Variants in OPCML observed in about 807,000 individuals in gnomAD.
The protein encoded by OPCML is opioid binding protein/cell adhesion molecule like, also known as opioid-binding protein/cell adhesion molecule.
Under a neutral mutation model 37.8 loss-of-function variants are expected in OPCML, and 13 were observed. That is an observed-to-expected ratio of 0.34 (90% CI 0.22 to 0.55). The LOEUF (loss-of-function observed/expected upper bound fraction) is 0.55, where lower values mean the gene tolerates loss of function less well. Ranked by LOEUF, OPCML falls within the 20% of genes least tolerant of loss-of-function variation. OPCML has a pLI of 0.91. For synonymous variants in OPCML, 176 were observed against 168.8 expected, an observed-to-expected ratio of 1.04 and a Z score of -0.33; for missense variants, 341 against 435.6, an observed-to-expected ratio of 0.78 and a Z score of 1.93.
intron 3 of OPCML, among the ~76,000 whole-genome samples, chr11:132,616,910 C>T (rs1186128764): frequency 6.6e-6 from 1 of 152,226 alleles, no homozygotes; most frequent in Non-Finnish European, 1.5e-5. Flanking sequence ...TGGATGTTTG[C>T]TCAATGGAAT....
chr11:133,237,085 G>A (rs1443569643), intron 1 of OPCML, among the ~76,000 whole-genome samples: 2 of 152,308 alleles, frequency 1.3e-5, no homozygotes, highest in African/African-American at 2.4e-5. Flanking sequence ...GGAGTCCTCT[G>A]CCTGAGCTGA....
chr11:132,562,112 T>C (rs1409121685), intron 3 of OPCML, among the ~76,000 whole-genome samples: 1 of 152,156 alleles, frequency 6.6e-6, no homozygotes, highest in Non-Finnish European at 1.5e-5. Context: ...TGTATTTGAG[T>C]TGTAATATGT....
intron 1 of OPCML, among the ~76,000 whole-genome samples, chr11:133,428,975 G>C (rs1946062997): frequency 1.3e-5 from 2 of 152,174 alleles, no homozygotes; most frequent in African/African-American, 4.8e-5. Context: ...GATCATACGA[G>C]TTCAATAATT....
rs115699403 is a variant in OPCML, at chr11:132,921,060, C to T, written c.146+21866G>A. On this transcript the variant is annotated intron_variant, in intron 2 of 7. Transcript: ENST00000524381. ...CCGCCACATGCTGGCCTTGCTTCAT[C>T]ACTTTTTTCTTTTTCCATCTCCTTC... is the stretch of plus-strand genomic sequence containing the variant. 7.4e-3 allele frequency among the ~76,000 whole-genome samples: 1,122 copies of T among 152,338 alleles called. 14 individuals carry two copies. The highest frequency in any genetic ancestry group is 0.025 in the African/African-American group (1,055 of 41,568).
intron 2 of OPCML, among the ~76,000 whole-genome samples, chr11:132,861,187 C>A (rs1036816009): frequency 2.0e-5 from 3 of 152,160 alleles, no homozygotes; most frequent in Non-Finnish European, 4.4e-5. Flanking sequence ...TTTCTAAACA[C>A]CAGGCTCTCG....
At chr11:133,279,787 AT>A (rs1380968022) in intron 1 of OPCML, among the ~76,000 whole-genome samples, 13 of 152,242 alleles carry the variant, frequency 8.5e-5, no homozygotes, top group Admixed American at 7.9e-4. Context: ...AAGCAGAGAA[AT>A]AAAAAAAACT....
chr11:133,453,465 T>A (rs995941116), intron 1 of OPCML, among the ~76,000 whole-genome samples: 1 of 152,248 alleles, frequency 6.6e-6, no homozygotes, highest in Non-Finnish European at 1.5e-5. Context: ...TTTATTTAAT[T>A]TTCCTACAAG....
intron 1 of OPCML, among the ~76,000 whole-genome samples, chr11:133,410,634 TAAAAAAAAAAAAAAA>T (rs71038527): frequency 6.8e-3 from 318 of 46,998 alleles, no homozygotes; most frequent in Non-Finnish European, 8.9e-3. Context: ...AGAAAAAAAG[TAAAAAAAAAAAAAAA>T]AAAAAAAAAA....
In OPCML at chr11:132,812,928, T is replaced by C. The variant is rs78705721; in HGVS notation, c.146+129998A>G. On this transcript the variant is annotated intron_variant, in intron 2 of 7. Transcript: ENST00000524381. ...CATTGAAAGCAAGATGAATTAGATC[T>C]ATACAGAGGTCCTATAACTTGAGGT... Among the ~76,000 whole-genome samples, 3 of 152,338 alleles carry C rather than the reference T, an allele frequency of 2.0e-5. No homozygotes were observed. In the South Asian group the frequency reaches 6.2e-4, roughly 32 times the overall value.
At chr11:132,458,648 C>CT (rs1204533277) in intron 4 of OPCML, among the ~76,000 whole-genome samples, 3 of 152,060 alleles carry the variant, frequency 2.0e-5, no homozygotes, top group East Asian at 1.9e-4. Flanking sequence ...AATAATGATT[C>CT]TTTTTTTAAA....
At chr11:132,852,405 G>A (rs1412283229) in intron 2 of OPCML, among the ~76,000 whole-genome samples, 3 of 152,102 alleles carry the variant, frequency 2.0e-5, no homozygotes, top group Middle Eastern at 3.2e-3. Flanking sequence ...CAGACCCCAT[G>A]GGGTCCCTGA....
chr11:132,816,944 C>T (rs1345641990), intron 2 of OPCML, among the ~76,000 whole-genome samples: 1 of 152,186 alleles, frequency 6.6e-6, no homozygotes, highest in African/African-American at 2.4e-5. Context: ...ATTGGAAAGA[C>T]AGTTACCCCT....
At chr11:133,299,669 C>T (rs1347513376) in intron 1 of OPCML, 1 of 152,154 alleles carries the variant, frequency 6.6e-6, no homozygotes, top group African/African-American at 2.4e-5. Flanking sequence ...TGAATATCTC[C>T]AGACAGAACA....
At chr11:133,004,930 C>T (rs1947077185) in intron 1 of OPCML, 2 of 985,262 alleles carry the variant, frequency 2.0e-6, no homozygotes, top group Non-Finnish European at 2.4e-6. Context: ...CCATTGCCTG[C>T]CCCTTCCCTC....
At chr11:133,279,614 C>A (rs1257274160) in intron 1 of OPCML, among the ~76,000 whole-genome samples, 1 of 152,124 alleles carries the variant, frequency 6.6e-6, no homozygotes, top group African/African-American at 2.4e-5. Context: ...TCAGACACGG[C>A]CCCTTCCTCT....
chr11:133,179,317 G>A (rs1161459339), intron 1 of OPCML, among the ~76,000 whole-genome samples: 1 of 152,206 alleles, frequency 6.6e-6, no homozygotes, highest in Non-Finnish European at 1.5e-5. Flanking sequence ...CCTAGTCTAG[G>A]ATAATAGACA....
At chr11:132,536,799 T>G (rs947397970) in intron 3 of OPCML, among the ~76,000 whole-genome samples, 1 of 152,210 alleles carries the variant, frequency 6.6e-6, no homozygotes, top group African/African-American at 2.4e-5. Context: ...TCAAATAGTA[T>G]AATATTTTGC....
rs1386190103 is a variant in OPCML, at chr11:132,733,570, A to G, written c.147-76251T>C. Among the ~76,000 whole-genome samples the G allele has an allele frequency of 3.3e-5, 5 of 152,316 alleles. No individual in the cohort carries two copies. In the East Asian group the frequency reaches 7.7e-4, roughly 24 times the overall value. On this transcript the variant is annotated intron_variant, in intron 2 of 7. Coordinates refer to ENST00000524381, the MANE Select transcript of OPCML (RefSeq NM_001012393.5). ...AGAGATGTGGTCAAAGATAGAAATAATTGTGCGGCCTTTTGAGGTTCAGCT... is the reference window on the plus strand; with the variant it reads ...AGAGATGTGGTCAAAGATAGAAATAGTTGTGCGGCCTTTTGAGGTTCAGCT...
intron 1 of OPCML, among the ~76,000 whole-genome samples, chr11:133,176,541 T>C (rs1045819586): frequency 5.3e-5 from 8 of 152,096 alleles, no homozygotes; most frequent in Admixed American, 3.9e-4. Flanking sequence ...GCATTTCTCA[T>C]GAATGGTTTT....
Sources: gnomAD v4.1 joint callset for allele counts (sites outside exome capture counted in the v4.1 genomes callset) on GRCh38, gnomAD v4.1.1 for gene constraint, MANE v1.5 for transcripts, NCBI Gene and HGNC (gene_info 2026-07-23, HGNC 2026-07-21) for gene names.